Variants in MBD5 observed in about 807,000 individuals in gnomAD.
The protein encoded by MBD5 is methyl-CpG binding domain protein 5, also known as methyl-CpG-binding domain protein 5.
In MBD5, 13 loss-of-function variants were observed where a neutral mutation model predicts 117.3. That is an observed-to-expected ratio of 0.11 (90% CI 0.07 to 0.18). The LOEUF is 0.18. MBD5 is among the 10% of genes least tolerant of loss of function. The pLI, the probability that MBD5 is intolerant of heterozygous loss-of-function variation, is 1.00. For missense variants in MBD5, 1,879 were observed against 2,093.8 expected (o/e 0.90, Z 2.00); for synonymous variants, 727 against 766.4 (o/e 0.95, Z 0.85).
At chr2:148,463,414 T>C (rs898831623) in intron 6 of MBD5, among the ~76,000 whole-genome samples, 6 of 152,202 alleles carry the variant, frequency 3.9e-5, no homozygotes, top group Non-Finnish European at 8.8e-5. Flanking sequence ...TTTTGTCTTT[T>C]TTAAGTGTAC....
intron 4 of MBD5, among the ~76,000 whole-genome samples, chr2:148,365,641 G>T (rs1320458150): frequency 1.3e-5 from 2 of 151,934 alleles, no homozygotes; most frequent in Non-Finnish European, 2.9e-5. Context: ...AATGATAAAG[G>T]GGCTATCACC....
intron 1 of MBD5, among the ~76,000 whole-genome samples, chr2:148,064,915 A>G (rs1232931557): frequency 2.0e-5 from 3 of 152,048 alleles, no homozygotes; most frequent in South Asian, 2.1e-4. Context: ...TGTATTTCTG[A>G]TAACATACCT....
intron 7 of MBD5, among the ~76,000 whole-genome samples, chr2:148,466,064 A>G (rs774149808): frequency 5.3e-5 from 8 of 152,156 alleles, no homozygotes; most frequent in Non-Finnish European, 1.0e-4. Flanking sequence ...GATACTCTTT[A>G]TGGGATTGAT....
In MBD5 at chr2:148,030,108, T is replaced by A. The variant is rs575545052; in HGVS notation, c.-925+8424T>A. On this transcript the variant is annotated intron_variant, in intron 1 of 13. Coordinates refer to ENST00000642680, the MANE Select transcript of MBD5 (RefSeq NM_001378120.1). ...CAGCATGGTAAAACCCCATCTCTATTAAAAATACAAAAATTAGCCAGGCTT... is the reference window on the plus strand; with the variant it reads ...CAGCATGGTAAAACCCCATCTCTATAAAAAATACAAAAATTAGCCAGGCTT... Among the ~76,000 whole-genome samples, 3 of 151,994 alleles carry A rather than the reference T, an allele frequency of 2.0e-5. No homozygotes were observed. In the South Asian group the frequency reaches 6.2e-4, roughly 32 times the overall value.
intron 1 of MBD5, among the ~76,000 whole-genome samples, chr2:148,087,920 A>G (rs918550388): frequency 1.2e-4 from 18 of 152,168 alleles, no homozygotes; most frequent in African/African-American, 4.3e-4. Flanking sequence ...AAGCTATTCA[A>G]AGAGATACCA....
intron 1 of MBD5, among the ~76,000 whole-genome samples, chr2:148,042,355 AGCAT>A (rs1694384509): frequency 6.6e-6 from 1 of 152,148 alleles, no homozygotes; most frequent in Admixed American, 6.5e-5. Context: ...ACTGATGAGA[AGCAT>A]ATGCCTCTAT....
At chr2:148,058,802 A>G (rs1694944862) in intron 1 of MBD5, among the ~76,000 whole-genome samples, 2 of 152,184 alleles carry the variant, frequency 1.3e-5, no homozygotes, top group East Asian at 3.8e-4. Flanking sequence ...AGCAAAAAGT[A>G]TGCTTGAATT....
intron 3 of MBD5, among the ~76,000 whole-genome samples, chr2:148,249,798 G>A (rs1310928921): frequency 6.6e-6 from 1 of 151,994 alleles, no homozygotes; most frequent in African/African-American, 2.4e-5. Flanking sequence ...TCTCATCCAG[G>A]GGAATTTTGC....
chr2:148,152,228 G>T (rs1163747088), intron 1 of MBD5, among the ~76,000 whole-genome samples: 1 of 152,148 alleles, frequency 6.6e-6, no homozygotes, highest in East Asian at 1.9e-4. Flanking sequence ...AGGTTGTTCA[G>T]CTTCCATGTA....
chr2:148,433,087 G>A lies in MBD5; in HGVS notation c.-556-25116G>A, dbSNP rs114703054. 8.7e-3 allele frequency among the ~76,000 whole-genome samples: 1,325 copies of A among 152,022 alleles called. 19 individuals carry two copies. The highest frequency in any genetic ancestry group is 0.031 in the African/African-American group (1,270 of 41,464). On this transcript the variant is annotated intron_variant, in intron 4 of 13. Transcript: ENST00000642680. Reference sequence around the variant, plus strand: ...TGTTGTAGAGATCTTTCACATCCCTGGTTAGCTATATTCTTAGGTATTTTA... The same window carrying A: ...TGTTGTAGAGATCTTTCACATCCCTAGTTAGCTATATTCTTAGGTATTTTA...
At chr2:148,438,298 A>G (rs772739036) in intron 4 of MBD5, among the ~76,000 whole-genome samples, 114 of 152,162 alleles carry the variant, frequency 7.5e-4, no homozygotes, top group Non-Finnish European at 1.3e-3. Flanking sequence ...CTGCACTTGT[A>G]TTTGGAGAGT....
At chr2:148,388,990 C>T (rs1195748695) in intron 4 of MBD5, among the ~76,000 whole-genome samples, 1 of 151,562 alleles carries the variant, frequency 6.6e-6, no homozygotes, top group Non-Finnish European at 1.5e-5. Flanking sequence ...CCTCTCCTTA[C>T]CCCTCTTTTG....
At chr2:148,394,915 A>G (rs1483383194) in intron 4 of MBD5, among the ~76,000 whole-genome samples, 2 of 152,136 alleles carry the variant, frequency 1.3e-5, no homozygotes, top group Non-Finnish European at 2.9e-5. Context: ...AGATCAATGA[A>G]GTTTAGGTTT....
rs553586433 is a variant in MBD5, at chr2:148,338,865, G to A, written c.-679-3349G>A. On this transcript the variant is annotated intron_variant, in intron 3 of 13. Transcript: ENST00000642680. ...GAAAACAAACACAAACATATGATGT[G>A]AAATGATAGACCTGTGGCAAACTGA... is the stretch of plus-strand genomic sequence containing the variant. 3.9e-5 allele frequency among the ~76,000 whole-genome samples: 6 copies of A among 152,306 alleles called. No individual in the cohort carries two copies. The South Asian group carries it at 1.2e-3, about 32-fold the overall frequency.
chr2:148,227,689 A>G (rs1699868551), intron 2 of MBD5, among the ~76,000 whole-genome samples: 1 of 152,180 alleles, frequency 6.6e-6, no homozygotes, highest in Non-Finnish European at 1.5e-5. Flanking sequence ...CATTGAATCT[A>G]TAAATTACCT....
rs1052987982 is a variant in MBD5, at chr2:148,093,975, A to T, written c.-925+72291A>T. 5.3e-4 allele frequency among the ~76,000 whole-genome samples: 81 copies of T among 152,222 alleles called. 1 individual carries two copies. Among genetic ancestry groups the T allele is most frequent in the Middle Eastern group, 3.2e-3 (1 of 316 alleles). On this transcript the variant is annotated intron_variant, in intron 1 of 13. Coordinates refer to ENST00000642680, the MANE Select transcript of MBD5 (RefSeq NM_001378120.1). Reference sequence around the variant, plus strand: ...GTATTTGTTATCATATTTCATTTTCATAACAATTCTTGGAGAAACTTGTTG... The same window carrying T: ...GTATTTGTTATCATATTTCATTTTCTTAACAATTCTTGGAGAAACTTGTTG...
At position 148,108,561 on chromosome 2, in the gene MBD5, C is replaced by T. The variant is rs540750150; in HGVS notation, c.-924-70139C>T. On this transcript the variant is annotated intron_variant, in intron 1 of 13. Transcript: ENST00000642680. Reference sequence around the variant, plus strand: ...AAAAAGAAAAAAAAAAAAAAGCTAACGCTCAAGTTCAGCTGATTCAGCAAA... The same window carrying T: ...AAAAAGAAAAAAAAAAAAAAGCTAATGCTCAAGTTCAGCTGATTCAGCAAA... 1.3e-4 allele frequency among the ~76,000 whole-genome samples: 20 copies of T among 151,538 alleles called. No homozygotes were observed. The South Asian group carries it at 3.6e-3, about 27-fold the overall frequency.
chr2:148,060,335 A>G (rs1292256313), intron 1 of MBD5, among the ~76,000 whole-genome samples: 4 of 151,560 alleles, frequency 2.6e-5, no homozygotes, highest in Non-Finnish European at 5.9e-5. Flanking sequence ...GAAAAGTCTC[A>G]CTGGAGAGGC....
intron 3 of MBD5, among the ~76,000 whole-genome samples, chr2:148,321,416 T>C (rs1702278932): frequency 6.6e-6 from 1 of 152,200 alleles, no homozygotes; most frequent in South Asian, 2.1e-4. Context: ...AGGCCATGCA[T>C]TGAACAAGCT....
Sources: allele counts gnomAD v4.1 joint callset (sites outside exome capture counted in the v4.1 genomes callset), GRCh38; gene constraint gnomAD v4.1.1; transcripts MANE v1.5; gene names NCBI Gene and HGNC (gene_info 2026-07-23, HGNC 2026-07-21).